AFDN: variants seen among roughly 807,000 people sequenced by gnomAD.
The protein encoded by AFDN is afadin, adherens junction formation factor, also known as afadin.
A neutral mutation model predicts 216.6 loss-of-function variants in AFDN; 68 were observed. The ratio of observed to expected loss-of-function variants is 0.31; its 90% CI spans 0.26 to 0.38. AFDN has a LOEUF of 0.38. Among genes scored for constraint, AFDN ranks in the 10% least tolerant of loss-of-function variants. The pLI is 1.00. For synonymous variants in AFDN, 868 were observed against 853.7 expected, an observed-to-expected ratio of 1.02 and a Z score of -0.29; for missense variants, 2,136 against 2,342.0, an observed-to-expected ratio of 0.91 and a Z score of 1.82.
In AFDN at chr6:167,922,891, G is replaced by A; in HGVS notation, c.2944G>A (p.Gly982Ser). The change falls in exon 22 of 34, where the codon GGT (glycine) becomes AGT (serine). Residue 982 changes from glycine (G) to serine (S), a missense_variant. By Grantham distance (56) the Gly-to-Ser change is moderately conservative (BLOSUM62 0). This residue lies in a region of AFDN where 162 missense variants were observed against 182.6 expected (regional missense o/e 0.89). Transcript: ENST00000683244. ...CRLIPHTRSP[G>S]TWTIYFEGAD... Reference sequence around the variant, plus strand: ...GTTAATTCCTCACACACGTTCACCAGGTACTTGGACAATATATTTTGAAGG... The same window carrying A: ...GTTAATTCCTCACACACGTTCACCAAGTACTTGGACAATATATTTTGAAGG... The A allele has an allele frequency of 1.2e-6, 2 of 1,613,020 alleles. No individual in the cohort carries two copies. The highest frequency in any genetic ancestry group is 1.7e-6 in the Non-Finnish European group (2 of 1,179,594).
rs1003577105 is a variant in AFDN at position 167,826,993 on chromosome 6, G to C, written c.-140G>C. 4.3e-4 allele frequency: 78 copies of C among 182,736 alleles called. No individual in the cohort carries two copies. Among genetic ancestry groups the C allele is most frequent in the Middle Eastern group, 2.6e-3 (1 of 386 alleles). 11.3% of individuals were successfully genotyped at this position (182,736 alleles called of 1,614,324 possible). A position where few individuals can be genotyped will look rare whatever the true frequency, so the allele number is the denominator to read the frequency against. ...GAGGCCAAGTCGGAGGACGCGGCGC[G>C]GCCGCGGAGGCGGAGGCAGCCGCGG... is the stretch of plus-strand genomic sequence containing the variant. On this transcript the variant is annotated 5_prime_UTR_variant, in exon 1 of 34. Transcript: ENST00000683244.
At position 167,914,151 on chromosome 6, in the gene AFDN, G is replaced by C. The variant is rs188329978; in HGVS notation, c.2059-17G>C. On this transcript the variant is annotated splice_polypyrimidine_tract_variant and intron_variant, in intron 16 of 33. Transcript: ENST00000683244. ...TGTTTATTCTCTGTTGCTTATGGAA[G>C]TGTGTTCTGTCTACAGAAACAGAAG... 137 of 1,612,098 alleles carry C rather than the reference G, an allele frequency of 8.5e-5. No homozygotes were observed. The African/African-American group carries it at 1.6e-3, about 19-fold the overall frequency.
chr6:167,909,086 A>C (rs1242364766), intron 13 of AFDN, among the ~76,000 whole-genome samples: 1 of 152,172 alleles, frequency 6.6e-6, no homozygotes, highest in Non-Finnish European at 1.5e-5. Context: ...TTTATGAGAT[A>C]TATAACTGCC....
chr6:167,943,065 C>A, intron 23 of AFDN, 64 bp from the exon 24 acceptor site: 1 of 1,387,642 alleles, frequency 7.2e-7, no homozygotes, highest in South Asian at 1.3e-5. Flanking sequence ...GTTTTACTTT[C>A]CTGCATAGTG....
intron 10 of AFDN, among the ~76,000 whole-genome samples, chr6:167,897,769 C>T (rs981663997): frequency 6.6e-6 from 1 of 150,810 alleles, no homozygotes; most frequent in Non-Finnish European, 1.5e-5. Flanking sequence ...GCCTCAGCCT[C>T]CTGAGTAGCT....
At chr6:167,894,399 A>T (rs1235878870) in intron 9 of AFDN, among the ~76,000 whole-genome samples, 1 of 152,182 alleles carries the variant, frequency 6.6e-6, no homozygotes, top group East Asian at 1.9e-4. Context: ...TTTGGGCAGA[A>T]ATTGACTATT....
At chr6:167,913,069 A>G (rs1014365282) in intron 15 of AFDN, among the ~76,000 whole-genome samples, 1 of 152,176 alleles carries the variant, frequency 6.6e-6, no homozygotes, top group Non-Finnish European at 1.5e-5. Flanking sequence ...TCACTGAAAG[A>G]TGTTCGTTCA....
intron 11 of AFDN, among the ~76,000 whole-genome samples, chr6:167,901,633 A>C (rs1361582161): frequency 6.6e-6 from 1 of 152,132 alleles, no homozygotes; most frequent in Admixed American, 6.5e-5. Flanking sequence ...AATAGGAGAG[A>C]AGCTCACCGC....
At chr6:167,961,108 A>T (rs1796993319) in intron 30 of AFDN, among the ~76,000 whole-genome samples, 1 of 152,172 alleles carries the variant, frequency 6.6e-6, no homozygotes, top group Admixed American at 6.5e-5. Flanking sequence ...AAATTCCAGC[A>T]CTTAACATTG....
At chr6:167,952,347 A>C in intron 30 of AFDN, 160 bp downstream of exon 30, 1 of 1,507,448 alleles carries the variant, frequency 6.6e-7, no homozygotes, top group Non-Finnish European at 8.8e-7. Flanking sequence ...CTGATGTCGT[A>C]GAGAAATGAG....
chr6:167,828,362 C>G (rs927543392), intron 1 of AFDN, among the ~76,000 whole-genome samples: 7 of 152,130 alleles, frequency 4.6e-5, no homozygotes, highest in African/African-American at 7.2e-5. Flanking sequence ...TCTCTGATTT[C>G]TTGAGTTTTT....
chr6:167,885,929 GTTAAA>G (rs955120911), intron 6 of AFDN, among the ~76,000 whole-genome samples: 3 of 152,190 alleles, frequency 2.0e-5, no homozygotes, highest in Non-Finnish European at 4.4e-5. Context: ...CAAAGAGAAA[GTTAAA>G]TGCCTAGAAA....
At chr6:167,914,132 T>G (rs1299590200) in intron 16 of AFDN, 36 bp from the exon 17 acceptor site, 2 of 1,609,332 alleles carry the variant, frequency 1.2e-6, no homozygotes. Flanking sequence ...CTTTTGTTTA[T>G]TCTCTGTTGC....
intron 32 of AFDN, chr6:167,966,280 A>G (rs1028373171): frequency 1.7e-5 from 25 of 1,500,174 alleles, no homozygotes; most frequent in African/African-American, 6.9e-5. Context: ...GGTAGAGGTA[A>G]AAGAGTGACA....
chr6:167,965,778 T>C lies in AFDN; in HGVS notation c.4990T>C (p.Tyr1664His), dbSNP rs756575778. The change falls in exon 32 of 34, where the codon TAC becomes CAC. Residue 1664 changes from tyrosine to histidine, a missense_variant. Physicochemically the swap from Tyr to His is moderately conservative, Grantham distance 83. Transcript: ENST00000683244. ...GCAGAGGCGACAGGAAGAAGGGTAT[T>C]ACAGCCGCCTGGAAGCCGAGAGGCG... ...EEKRRQEEGYYSRLEAERRRQ... is the reference protein window; with the variant it reads ...EEKRRQEEGYHSRLEAERRRQ... 2.6e-6 allele frequency: 4 copies of C among 1,557,630 alleles called. No individual in the cohort carries two copies. Among genetic ancestry groups the C allele is most frequent in the Non-Finnish European group, 3.5e-6 (4 of 1,153,244 alleles).
chr6:167,854,207 T>C (rs1782641895), intron 1 of AFDN, among the ~76,000 whole-genome samples: 1 of 152,070 alleles, frequency 6.6e-6, no homozygotes, highest in Admixed American at 6.5e-5. Context: ...GTTGTTCATC[T>C]TTTTGTGTAT....
intron 12 of AFDN, among the ~76,000 whole-genome samples, chr6:167,905,872 G>A (rs1468827961): frequency 6.6e-6 from 1 of 152,210 alleles, no homozygotes; most frequent in African/African-American, 2.4e-5. Context: ...TTGGGAGGCC[G>A]AGGTGGGTGG....
chr6:167,897,936 G>T (rs528094010), intron 10 of AFDN, among the ~76,000 whole-genome samples: 1 of 152,034 alleles, frequency 6.6e-6, no homozygotes, highest in Non-Finnish European at 1.5e-5. Flanking sequence ...GAGCCACCGC[G>T]CCTGGCCAAC....
rs1789822210 is a variant in AFDN, at chr6:167,907,259, A to G, written c.1739A>G (p.Gln580Arg). The change falls in exon 13 of 34, where the codon CAG becomes CGG. Residue 580 changes from glutamine to arginine, a missense_variant. Gln to Arg is a conservative substitution (Grantham distance 43). Transcript: ENST00000683244. ...GMVKPMIRVEQQPDYRRQESR... is the reference protein window; with the variant it reads ...GMVKPMIRVERQPDYRRQESR... ...GTGAAGCCGATGATCAGAGTAGAAC[A>G]GCAGCCAGATTATCGCAGGCAAGAA... The G allele has an allele frequency of 3.7e-6, 6 of 1,613,894 alleles. No individual in the cohort carries two copies. In the South Asian group the frequency reaches 5.5e-5, roughly 15 times the overall value.
Sources: allele counts gnomAD v4.1 joint callset (sites outside exome capture counted in the v4.1 genomes callset), GRCh38; gene constraint gnomAD v4.1.1; regional missense constraint gnomAD v4.1.1; transcripts MANE v1.5; gene names NCBI Gene and HGNC (gene_info 2026-07-23, HGNC 2026-07-21).